The following CHIC1 variants were observed in gnomAD, a reference collection of about 807,000 sequenced individuals.
CHIC1 encodes the protein cysteine rich hydrophobic domain 1.
CHIC1 carries 7 observed loss-of-function variants against 18.5 expected under a neutral mutation model. The observed-to-expected ratio is 0.38, with a 90% CI of 0.22 to 0.71. The LOEUF (loss-of-function observed/expected upper bound fraction) is 0.71, where lower values mean the gene tolerates loss of function less well. Among genes scored for constraint, CHIC1 ranks in the 30% least tolerant of loss-of-function variants. CHIC1 has a pLI of 0.49. For synonymous variants in CHIC1, 77 were observed against 73.5 expected (o/e 1.05, Z -0.25); for missense variants, 159 against 176.9 (o/e 0.90, Z 0.57).
intron 3 of CHIC1, among the ~76,000 whole-genome samples, chrX:73,601,541 T>C (rs2057650368): frequency 9.4e-6 from 1 of 106,018 alleles, no homozygotes; most frequent in Admixed American, 1.0e-4. Flanking sequence ...TACCAGAATG[T>C]CTGGGACGCA....
rs1481251164 is a variant in CHIC1 at position 73,594,718 on chromosome X, C to G, written c.507+10146C>G. 2.7e-5 allele frequency among the ~76,000 whole-genome samples: 3 copies of G among 111,245 alleles called. No homozygotes were observed. The Admixed American group carries it at 2.9e-4, about 11-fold the overall frequency. ...CTATTTCCAATTTTTTTTCATTACC[C>G]CAAATAGGAACTCTATAGCCATTAA... On this transcript the variant is annotated intron_variant, in intron 3 of 5. Coordinates refer to ENST00000373502, the MANE Select transcript of CHIC1 (RefSeq NM_001039840.4).
intron 1 of CHIC1, among the ~76,000 whole-genome samples, 181 bp downstream of exon 1, chrX:73,563,761 A>T (rs1026202063): frequency 1.8e-5 from 2 of 110,982 alleles, no homozygotes; most frequent in African/African-American, 6.6e-5. Flanking sequence ...GGAAGTGAGG[A>T]GAATGTAAAT....
At chrX:73,631,774 T>C (rs1247361289) in intron 3 of CHIC1, among the ~76,000 whole-genome samples, 3 of 112,608 alleles carry the variant, frequency 2.7e-5, no homozygotes. Context: ...TTTCAAACTT[T>C]CCTTTTGATT....
At chrX:73,612,937 G>A (rs1027732081) in intron 3 of CHIC1, among the ~76,000 whole-genome samples, 2 of 111,569 alleles carry the variant, frequency 1.8e-5, no homozygotes, top group African/African-American at 6.5e-5. Flanking sequence ...TTATTGTATT[G>A]GAGTTTATTT....
rs200060087 is a variant in CHIC1 at position 73,655,649 on chromosome X, G to A, written c.508-23677G>A. Among the ~76,000 whole-genome samples, 17 of 67,581 alleles carry A rather than the reference G, an allele frequency of 2.5e-4. 2 individuals carry two copies. Among genetic ancestry groups the A allele is most frequent in the African/African-American group, 4.6e-4 (9 of 19,523 alleles). 58.7% of individuals were successfully genotyped at this position (67,581 alleles called of 115,157 possible). ...ATATATATAGTGTGTGTGTGTGTGT[G>A]TATATATATATATATATATATACAC... On this transcript the variant is annotated intron_variant, in intron 3 of 5. Transcript: ENST00000373502.
chrX:73,601,841 A>G (rs2147567187), intron 3 of CHIC1, among the ~76,000 whole-genome samples: 1 of 107,341 alleles, frequency 9.3e-6, no homozygotes, highest in South Asian at 3.9e-4. Context: ...GAAAAGAGAG[A>G]AGAGGAAAAT....
At position 73,681,927 on chromosome X, in the gene CHIC1, AC is replaced by A. The variant is rs2058100876; in HGVS notation, c.*923del. On this transcript the variant is annotated 3_prime_UTR_variant, in exon 6 of 6. Transcript: ENST00000373502. ...AACTATTTGACATCTGACACATTTC[AC>A]AGTCTCACTATCCTGCATTTATTAG... is the stretch of plus-strand genomic sequence containing the variant. 8.9e-6 allele frequency: 1 copy of A among 111,945 alleles called. No individual in the cohort carries two copies. Among genetic ancestry groups the A allele is most frequent in the African/African-American group, 3.2e-5 (1 of 30,893 alleles). The allele number at this position is 111,945 out of a possible 1,213,427, so 9.2% of individuals were successfully genotyped here. A position where few individuals can be genotyped will look rare whatever the true frequency, so the allele number is the denominator to read the frequency against.
At chrX:73,621,258 G>A (rs2057758877) in intron 3 of CHIC1, among the ~76,000 whole-genome samples, 1 of 111,480 alleles carries the variant, frequency 9.0e-6, no homozygotes, top group Non-Finnish European at 1.9e-5. Flanking sequence ...AGATTGATAG[G>A]GATATCATTC....
intron 3 of CHIC1, among the ~76,000 whole-genome samples, chrX:73,672,859 G>C (rs1192890743): frequency 8.9e-6 from 1 of 111,748 alleles, no homozygotes; most frequent in Middle Eastern, 4.6e-3. Flanking sequence ...GTCCTGAATG[G>C]TATTCCCTAG....
intron 3 of CHIC1, among the ~76,000 whole-genome samples, chrX:73,673,567 A>C (rs1470468221): frequency 8.9e-6 from 1 of 111,783 alleles, no homozygotes; most frequent in Non-Finnish European, 1.9e-5. Flanking sequence ...ATTGTTGTAT[A>C]AGAATGCTTG....
At chrX:73,611,499 T>G (rs1466835962) in intron 3 of CHIC1, among the ~76,000 whole-genome samples, 6 of 108,989 alleles carry the variant, frequency 5.5e-5, no homozygotes, top group African/African-American at 1.4e-4. Context: ...TGTGTCTTTA[T>G]AGCAGCATGT....
At chrX:73,632,995 C>T (rs1248563701) in intron 3 of CHIC1, among the ~76,000 whole-genome samples, 3 of 109,567 alleles carry the variant, frequency 2.7e-5, no homozygotes, top group Non-Finnish European at 5.7e-5. Flanking sequence ...GTCTCAATCT[C>T]CTGACCCGTG....
rs2058103180 is a variant in CHIC1, at chrX:73,682,506, CAGTGA to C, written c.*1508_*1512del. On this transcript the variant is annotated 3_prime_UTR_variant, in exon 6 of 6. Coordinates refer to ENST00000373502, the MANE Select transcript of CHIC1 (RefSeq NM_001039840.4). ...TAAACCTTTTAGGCAAGATTCATCTCAGTGAAGTGAACAATCATTTCTTCATAGAA... is the reference window on the plus strand; with the variant it reads ...TAAACCTTTTAGGCAAGATTCATCTCAGTGAACAATCATTTCTTCATAGAA... 1 of 111,791 alleles carries C rather than the reference CAGTGA, an allele frequency of 8.9e-6. No individual in the cohort carries two copies. Among genetic ancestry groups the C allele is most frequent in the African/African-American group, 3.2e-5 (1 of 30,870 alleles). 9.2% of individuals were successfully genotyped at this position (111,791 alleles called of 1,213,427 possible).
chrX:73,677,827 C>T (rs554551745), intron 3 of CHIC1, among the ~76,000 whole-genome samples: 54 of 112,297 alleles, frequency 4.8e-4, no homozygotes, highest in South Asian at 3.0e-3. Context: ...TCTTCTGCGT[C>T]GCTCACACTG....
intron 3 of CHIC1, among the ~76,000 whole-genome samples, chrX:73,619,733 G>A (rs2057750766): frequency 9.0e-6 from 1 of 111,153 alleles, no homozygotes; most frequent in African/African-American, 3.3e-5. Flanking sequence ...TTATACTTAA[G>A]TTCTGGGATA....
chrX:73,650,128 G>A (rs2057908558), intron 3 of CHIC1, among the ~76,000 whole-genome samples: 1 of 112,124 alleles, frequency 8.9e-6, no homozygotes, highest in Non-Finnish European at 1.9e-5. Context: ...CAAGTTCTTT[G>A]AAACCAATGA....
chrX:73,639,184 C>CCT (rs1569503730), intron 3 of CHIC1, among the ~76,000 whole-genome samples: 1 of 110,989 alleles, frequency 9.0e-6, no homozygotes, highest in Non-Finnish European at 1.9e-5. Flanking sequence ...CTCAACAGCA[C>CCT]CTCTCATTTT....
intron 3 of CHIC1, among the ~76,000 whole-genome samples, chrX:73,592,252 G>A (rs1483733604): frequency 9.0e-6 from 1 of 110,875 alleles, no homozygotes; most frequent in African/African-American, 3.3e-5. Context: ...AGGAGTGGTG[G>A]GAGTGAGTAT....
At chrX:73,592,188 A>AT (rs746629046) in intron 3 of CHIC1, among the ~76,000 whole-genome samples, 1 of 109,998 alleles carries the variant, frequency 9.1e-6, no homozygotes, top group Non-Finnish European at 1.9e-5. Flanking sequence ...TGTGCCTTTT[A>AT]TTTTTTTGTC....
Sources: allele counts gnomAD v4.1 joint callset (sites outside exome capture counted in the v4.1 genomes callset), GRCh38; gene constraint gnomAD v4.1.1; transcripts MANE v1.5; gene names NCBI Gene and HGNC (gene_info 2026-07-23, HGNC 2026-07-21).